The following CHST9 variants were observed in gnomAD, a reference collection of about 807,000 sequenced individuals.
CHST9 encodes GalNAc-4-sulfotransferase 2.
A neutral mutation model predicts 44.4 loss-of-function variants in CHST9; 41 were observed. The ratio of observed to expected loss-of-function variants is 0.92; its 90% CI spans 0.72 to 1.20. The LOEUF is 1.20. Ranked by LOEUF, CHST9 falls within the 50% of genes most tolerant of loss-of-function variation. The probability of loss-of-function intolerance (pLI) is 0.00; values close to 1 mark genes in which losing one functional copy is unlikely to be tolerated. For missense variants in CHST9, 504 were observed against 516.5 expected (o/e 0.98, Z 0.23); for synonymous variants, 171 against 178.4 (o/e 0.96, Z 0.33).
At chr18:27,128,967 G>C (rs558114326) in intron 2 of CHST9, among the ~76,000 whole-genome samples, 197 of 152,034 alleles carry the variant, frequency 1.3e-3, no homozygotes, top group Admixed American at 4.3e-3. Flanking sequence ...CTATGTTCTA[G>C]GCCCTGTGGT....
intron 5 of CHST9, among the ~76,000 whole-genome samples, chr18:26,941,147 C>G (rs2056076397): frequency 6.6e-6 from 1 of 152,160 alleles, no homozygotes; most frequent in African/African-American, 2.4e-5. Flanking sequence ...GGACCGAATA[C>G]AGAGCTGTAA....
chr18:26,959,519 T>G lies in CHST9; in HGVS notation c.203-15153A>C, dbSNP rs147042464. ...AGAAAGAAAGGATTCATGTTTGGTG[T>G]GGGAACCTGGGAAGACTTCATGGAA... is the stretch of plus-strand genomic sequence containing the variant. On this transcript the variant is annotated intron_variant, in intron 4 of 5. Coordinates refer to ENST00000618847, the MANE Select transcript of CHST9 (RefSeq NM_031422.6). 3.8e-3 allele frequency among the ~76,000 whole-genome samples: 578 copies of G among 152,272 alleles called. 3 individuals carry two copies. Among genetic ancestry groups the G allele is most frequent in the African/African-American group, 0.014 (563 of 41,546 alleles).
At chr18:26,981,907 G>C (rs1006395277) in intron 4 of CHST9, among the ~76,000 whole-genome samples, 1 of 152,000 alleles carries the variant, frequency 6.6e-6, no homozygotes, top group African/African-American at 2.4e-5. Context: ...CAGCTCTCTC[G>C]ATCAGCTGCA....
intron 2 of CHST9, among the ~76,000 whole-genome samples, chr18:27,083,311 C>A (rs2057978443): frequency 6.6e-6 from 1 of 152,062 alleles, no homozygotes; most frequent in African/African-American, 2.4e-5. Context: ...ATGAATTATA[C>A]TTTATGTTGC....
At chr18:27,020,602 C>T (rs760186762) in intron 4 of CHST9, among the ~76,000 whole-genome samples, 2 of 152,200 alleles carry the variant, frequency 1.3e-5, no homozygotes, top group Non-Finnish European at 2.9e-5. Flanking sequence ...TGACTAGGAG[C>T]TAGCACCTTG....
intron 5 of CHST9, among the ~76,000 whole-genome samples, chr18:26,937,284 T>C (rs16942981): frequency 0.12 from 18,519 of 152,138 alleles, 1,528 homozygotes; most frequent in African/African-American, 0.22. Flanking sequence ...ACAGGGACCC[T>C]GGAGTATATG....
intron 2 of CHST9, among the ~76,000 whole-genome samples, chr18:27,116,737 T>A (rs1320297429): frequency 6.6e-6 from 1 of 152,218 alleles, no homozygotes; most frequent in African/African-American, 2.4e-5. Flanking sequence ...TCATTAGATA[T>A]CTTTCCATTT....
intron 4 of CHST9, among the ~76,000 whole-genome samples, chr18:26,959,246 A>G (rs1293545146): frequency 6.6e-6 from 1 of 152,216 alleles, no homozygotes; most frequent in Non-Finnish European, 1.5e-5. Context: ...GTTCTCACTT[A>G]TAAGTGGGAG....
chr18:27,027,598 T>A (rs2057296648), intron 3 of CHST9, among the ~76,000 whole-genome samples: 2 of 152,232 alleles, frequency 1.3e-5, no homozygotes, highest in Non-Finnish European at 2.9e-5. Flanking sequence ...CTAACATGGA[T>A]TGAATGCTTA....
intron 2 of CHST9, among the ~76,000 whole-genome samples, chr18:27,126,194 G>C (rs1190294497): frequency 6.6e-6 from 1 of 152,180 alleles, no homozygotes; most frequent in East Asian, 1.9e-4. Flanking sequence ...CGGAAGTTTG[G>C]AGGTTGCTAC....
In CHST9 at chr18:26,907,748, T is replaced by G. The variant is rs2055388174; in HGVS notation, c.*8511A>C. 3 of 153,322 alleles carry G rather than the reference T, an allele frequency of 2.0e-5. No individual in the cohort carries two copies. The highest frequency in any genetic ancestry group is 7.2e-5 in the African/African-American group (3 of 41,448). 9.5% of individuals were successfully genotyped at this position (153,322 alleles called of 1,614,324 possible). A position where few individuals can be genotyped will look rare whatever the true frequency, so the allele number is the denominator to read the frequency against. On this transcript the variant is annotated 3_prime_UTR_variant, in exon 6 of 6. Coordinates refer to ENST00000618847, the MANE Select transcript of CHST9 (RefSeq NM_031422.6). ...GATAATAGTGGGTTTGATGCAGCTA[T>G]CAGGTGATTAAGCTGGGAATGGGTT...
At chr18:27,088,427 G>C (rs534118861) in intron 2 of CHST9, among the ~76,000 whole-genome samples, 1 of 143,798 alleles carries the variant, frequency 7.0e-6, no homozygotes, top group Non-Finnish European at 1.5e-5. Context: ...ATGGAGTCTC[G>C]CTCTGTCGGC....
chr18:27,096,597 G>A (rs1341122798), intron 2 of CHST9, among the ~76,000 whole-genome samples: 2 of 151,900 alleles, frequency 1.3e-5, no homozygotes, highest in Non-Finnish European at 2.9e-5. Flanking sequence ...TAACAAGGGT[G>A]TCATTACAAC....
At chr18:27,042,803 C>A (rs2057460559) in intron 3 of CHST9, among the ~76,000 whole-genome samples, 1 of 150,090 alleles carries the variant, frequency 6.7e-6, no homozygotes, top group Admixed American at 6.6e-5. Context: ...CCCTCCCTCT[C>A]TCTCTCTTTT....
chr18:26,978,830 C>T (rs1357810563), intron 4 of CHST9, among the ~76,000 whole-genome samples: 1 of 152,156 alleles, frequency 6.6e-6, no homozygotes, highest in Non-Finnish European at 1.5e-5. Context: ...ATTCAAGGCA[C>T]TAATGCACTG....
chr18:27,042,275 A>G (rs2057453709), intron 3 of CHST9, among the ~76,000 whole-genome samples: 1 of 152,124 alleles, frequency 6.6e-6, no homozygotes, highest in Non-Finnish European at 1.5e-5. Context: ...AACCCAAGTG[A>G]CCTTGACCAA....
chr18:27,019,626 T>C (rs2057196764), intron 4 of CHST9, among the ~76,000 whole-genome samples: 1 of 149,488 alleles, frequency 6.7e-6, no homozygotes, highest in Non-Finnish European at 1.5e-5. Flanking sequence ...CTAGTCTGGG[T>C]TATATTCTTG....
chr18:26,962,968 G>T (rs2056419522), intron 4 of CHST9, among the ~76,000 whole-genome samples: 1 of 152,136 alleles, frequency 6.6e-6, no homozygotes, highest in Non-Finnish European at 1.5e-5. Context: ...GTTTTTTTGT[G>T]TATTTGAAAC....
intron 2 of CHST9, among the ~76,000 whole-genome samples, chr18:27,137,506 G>C (rs1422578142): frequency 2.0e-5 from 3 of 152,074 alleles, no homozygotes; most frequent in African/African-American, 4.8e-5. Flanking sequence ...GCTTGGTTTA[G>C]CAGAGGAAGA....
Sources: allele counts gnomAD v4.1 joint callset (sites outside exome capture counted in the v4.1 genomes callset), GRCh38; gene constraint gnomAD v4.1.1; transcripts MANE v1.5; gene names NCBI Gene and HGNC (gene_info 2026-07-23, HGNC 2026-07-21).